Variants in VCAN observed in about 807,000 individuals in gnomAD.
The protein encoded by VCAN is versican.
Under a neutral mutation model 245.5 loss-of-function variants are expected in VCAN, and 44 were observed. The ratio of observed to expected loss-of-function variants is 0.18; its 90% CI spans 0.14 to 0.23. The LOEUF (loss-of-function observed/expected upper bound fraction) is 0.23, where lower values mean the gene tolerates loss of function less well. VCAN is among the 10% of genes least tolerant of loss of function. VCAN has a pLI of 1.00. For synonymous variants in VCAN, 1,413 were observed against 1,437.0 expected, an observed-to-expected ratio of 0.98 and a Z score of 0.38; for missense variants, 3,793 against 4,057.9, an observed-to-expected ratio of 0.93 and a Z score of 1.77.
At chr5:83,560,697 T>C (rs989597211) in intron 12 of VCAN, among the ~76,000 whole-genome samples, 7 of 152,302 alleles carry the variant, frequency 4.6e-5, no homozygotes, top group African/African-American at 1.7e-4. Context: ...CTGTTCTGTC[T>C]GACAAACCTC....
intron 7 of VCAN, among the ~76,000 whole-genome samples, chr5:83,527,402 C>T (rs978273643): frequency 1.3e-5 from 2 of 152,166 alleles, no homozygotes; most frequent in Non-Finnish European, 2.9e-5. Flanking sequence ...CAGAGAAGCA[C>T]ATTTTTCTGC....
In VCAN at chr5:83,540,139, A is replaced by T. The variant is rs201642515; in HGVS notation, c.7136A>T (p.Glu2379Val). ...ACTAGTAGACCACAAACCATAACTG[A>T]ACAAGACTCTAACAAGAATTCTTCA... is the stretch of plus-strand genomic sequence containing the variant. ...IQTSRPQTITEQDSNKNSSTA... is the reference protein window; with the variant it reads ...IQTSRPQTITVQDSNKNSSTA... The change falls in exon 8 of 15, where the codon GAA becomes GTA. Residue 2379 changes from glutamate to valine, a missense_variant. Around this residue, in one of 5 missense-constraint regions of VCAN, gnomAD observed 3,182 missense variants for 3,250.3 expected, o/e 0.98. Coordinates refer to ENST00000265077, the MANE Select transcript of VCAN (RefSeq NM_004385.5). The T allele has an allele frequency of 7.6e-5, 122 of 1,614,014 alleles. 1 individual carries two copies. In the East Asian group the frequency reaches 2.7e-3, roughly 35 times the overall value.
chr5:83,559,931 A>G (rs1747805005), intron 12 of VCAN, among the ~76,000 whole-genome samples: 1 of 152,134 alleles, frequency 6.6e-6, no homozygotes, highest in Non-Finnish European at 1.5e-5. Context: ...TGCCTAAATT[A>G]AAGATTTTAT....
At chr5:83,515,910 C>T (rs1745829436) in intron 6 of VCAN, among the ~76,000 whole-genome samples, 1 of 152,128 alleles carries the variant, frequency 6.6e-6, no homozygotes, top group South Asian at 2.1e-4. Flanking sequence ...AATTTGTTAG[C>T]ATTCCATCAC....
chr5:83,512,123 G>C lies in VCAN; in HGVS notation c.769G>C (p.Val257Leu). The change falls in exon 6 of 15, where the codon GTC becomes CTC. Residue 257 changes from valine (V) to leucine (L), a missense_variant. Transcript: ENST00000265077. ...TCCAGGTGATGTGTTCCACCTCACT[G>C]TCCCCAGTAAATTCACCTTCGAGGA... is the stretch of plus-strand genomic sequence containing the variant. ...HLDGDVFHLTVPSKFTFEEAA... is the reference protein window; with the variant it reads ...HLDGDVFHLTLPSKFTFEEAA... 6.2e-7 allele frequency: 1 copy of C among 1,613,710 alleles called. No homozygotes were observed. The highest frequency in any genetic ancestry group is 8.5e-7 in the Non-Finnish European group (1 of 1,179,976).
chr5:83,580,415 G>A lies in VCAN; in HGVS notation c.10172G>A (p.Trp3391Ter). 2.5e-6 allele frequency: 4 copies of A among 1,613,850 alleles called. No individual in the cohort carries two copies. Among genetic ancestry groups the A allele is most frequent in the Non-Finnish European group, 3.4e-6 (4 of 1,179,916 alleles). Residue 3391 changes from tryptophan to a stop codon, truncating the protein, a stop_gained, in exon 15 of 15, where the codon TGG becomes TAG. Coordinates refer to ENST00000265077, the MANE Select transcript of VCAN (RefSeq NM_004385.5). LOFTEE classifies it high-confidence loss of function. ...CATGATCATCGTTGGAGCCGGAGGT[G>A]GCAGGAGTCGAGGCGCTGATCCCTA... ...SKHDHRWSRR[W>*]QESRR is the part of the protein sequence containing the mutation.
intron 5 of VCAN, among the ~76,000 whole-genome samples, chr5:83,510,067 T>A (rs529010604): frequency 2.1e-4 from 32 of 152,314 alleles, no homozygotes; most frequent in Non-Finnish European, 4.6e-4. Context: ...AAGGGAGACG[T>A]TGTGAGAGCC....
In VCAN at chr5:83,493,499, G is replaced by A. The variant is rs11958017; in HGVS notation, c.446-47G>A. 6.9e-4 allele frequency: 1,119 copies of A among 1,612,102 alleles called. 6 individuals are homozygous for A. In the African/African-American group the frequency reaches 0.013, roughly 19 times the overall value. On this transcript the variant is annotated intron_variant, in intron 3 of 14. Coordinates refer to ENST00000265077, the MANE Select transcript of VCAN (RefSeq NM_004385.5). ...CCAATGAGAAATTTTGCACAGTGCA[G>A]TGGGAGATTTGAACAGGCTGGCAAT...
At position 83,538,151 on chromosome 5, in the gene VCAN, C is replaced by T. The variant is rs755073051; in HGVS notation, c.5148C>T (p.Ser1716=). Residue 1716 remains serine, a synonymous_variant, in exon 8 of 15, where the codon TCC becomes TCT. Transcript: ENST00000265077. The part of the protein sequence containing the change: ...VSETDTSEWI[S]STTVEEKKRK... The stretch of plus-strand genomic sequence containing the variant: ...AAACAGACACTTCTGAGTGGATTTC[C>T]AGTACCACTGTTGAGGAAAAGAAAA... 1 of 1,613,914 alleles carries T rather than the reference C, an allele frequency of 6.2e-7. No individual in the cohort carries two copies. Among genetic ancestry groups the T allele is most frequent in the Non-Finnish European group, 8.5e-7 (1 of 1,179,958 alleles).
intron 12 of VCAN, among the ~76,000 whole-genome samples, chr5:83,562,815 G>C (rs570732937): frequency 1.3e-4 from 20 of 151,156 alleles, no homozygotes; most frequent in Non-Finnish European, 2.5e-4. Flanking sequence ...TGCTCTCTGG[G>C]CCTCTGCCTG....
chr5:83,529,413 C>T (rs1486002150), intron 7 of VCAN, among the ~76,000 whole-genome samples: 1 of 150,822 alleles, frequency 6.6e-6, no homozygotes, highest in Non-Finnish European at 1.5e-5. Flanking sequence ...ACCCAACACA[C>T]TATAATAACT....
intron 10 of VCAN, among the ~76,000 whole-genome samples, chr5:83,550,887 C>CTAAAAA (rs1747433925): frequency 2.0e-5 from 1 of 50,102 alleles, no homozygotes; most frequent in Non-Finnish European, 3.3e-5. Flanking sequence ...GACTCCATCT[C>CTAAAAA]AAAAAAAAAA....
At chr5:83,486,978 C>T (rs532586726) in intron 2 of VCAN, among the ~76,000 whole-genome samples, 22 of 152,094 alleles carry the variant, frequency 1.4e-4, no homozygotes, top group Non-Finnish European at 2.6e-4. Context: ...ATGAGGTCAA[C>T]GACTAACATA....
chr5:83,502,879 C>T (rs774068463), intron 5 of VCAN, among the ~76,000 whole-genome samples: 2 of 152,102 alleles, frequency 1.3e-5, no homozygotes, highest in Non-Finnish European at 2.9e-5. Flanking sequence ...GGGGGCCCTC[C>T]TAGCTTTCTA....
intron 9 of VCAN, 118 bp downstream of exon 9, chr5:83,545,768 T>C: frequency 1.2e-6 from 1 of 858,514 alleles, no homozygotes; most frequent in Non-Finnish European, 2.0e-6. Context: ...ATTAATTATA[T>C]GTTAAATGAA....
intron 3 of VCAN, among the ~76,000 whole-genome samples, chr5:83,491,781 T>C (rs550899461): frequency 2.6e-5 from 4 of 152,230 alleles, no homozygotes; most frequent in Admixed American, 6.5e-5. Flanking sequence ...TGAAGTTCCC[T>C]GCCTTGGTCG....
intron 10 of VCAN, among the ~76,000 whole-genome samples, 185 bp from the exon 11 acceptor site, chr5:83,553,179 T>C (rs1285767575): frequency 4.6e-5 from 7 of 152,216 alleles, no homozygotes; most frequent in Non-Finnish European, 1.0e-4. Flanking sequence ...AGCCATCCAC[T>C]TGGCACGAAT....
At chr5:83,562,547 G>A (rs564820046) in intron 12 of VCAN, among the ~76,000 whole-genome samples, 10 of 152,176 alleles carry the variant, frequency 6.6e-5, no homozygotes, top group Non-Finnish European at 1.3e-4. Flanking sequence ...ATTTAGTGCA[G>A]TAGCATCTCA....
In VCAN at chr5:83,539,352, G is replaced by C; in HGVS notation, c.6349G>C (p.Glu2117Gln). Residue 2117 changes from glutamate to glutamine, a missense_variant, in exon 8 of 15, where the codon GAG (glutamate) becomes CAG (glutamine). Glu to Gln is a conservative substitution (Grantham distance 29). Coordinates refer to ENST00000265077, the MANE Select transcript of VCAN (RefSeq NM_004385.5). The stretch of plus-strand genomic sequence containing the variant: ...AGAAATTGAAAGTGAAACAACATCA[G>C]AGGAACAAATTCAAGAAGAAAAGTC... ...RQEIESETTSEEQIQEEKSFE... is the reference protein window; with the variant it reads ...RQEIESETTSQEQIQEEKSFE... The C allele has an allele frequency of 6.2e-7, 1 of 1,614,092 alleles. No individual in the cohort carries two copies. Among genetic ancestry groups the C allele is most frequent in the Non-Finnish European group, 8.5e-7 (1 of 1,179,996 alleles).
Sources: allele counts gnomAD v4.1 joint callset (sites outside exome capture counted in the v4.1 genomes callset), GRCh38; gene constraint gnomAD v4.1.1; regional missense constraint gnomAD v4.1.1; transcripts MANE v1.5; gene names NCBI Gene and HGNC (gene_info 2026-07-23, HGNC 2026-07-21).